Variants in DSCAML1 observed in about 807,000 individuals in gnomAD.
DSCAML1 encodes DS cell adhesion molecule like 1.
Under a neutral mutation model 200.5 loss-of-function variants are expected in DSCAML1, and 38 were observed. The ratio of observed to expected loss-of-function variants is 0.19; its 90% CI spans 0.15 to 0.25. The LOEUF (loss-of-function observed/expected upper bound fraction) is 0.25. Among genes scored for constraint, DSCAML1 ranks in the 10% least tolerant of loss-of-function variants. The pLI is 1.00. For missense variants in DSCAML1, 2,223 were observed against 2,858.8 expected, an observed-to-expected ratio of 0.78 and a Z score of 5.07; for synonymous variants, 1,215 against 1,165.0, an observed-to-expected ratio of 1.04 and a Z score of -0.87.
chr11:117,513,468 C>A (rs775886766), intron 8 of DSCAML1, among the ~76,000 whole-genome samples: 1 of 152,138 alleles, frequency 6.6e-6, no homozygotes, highest in African/African-American at 2.4e-5. Flanking sequence ...CATCCGGGAG[C>A]GGTGGCTCAT....
Position 117,428,525 on chromosome 11 carries a change from CG to C in DSCAML1, c.5964del (p.Gly1989AlafsTer42). The C allele has an allele frequency of 9.8e-7, 1 of 1,022,432 alleles. No homozygotes were observed. Among genetic ancestry groups the C allele is most frequent in the Non-Finnish European group, 1.4e-6 (1 of 702,978 alleles). 63.3% of individuals were successfully genotyped at this position (1,022,432 alleles called of 1,614,324 possible). A position where few individuals can be genotyped will look rare whatever the true frequency, so the allele number is the denominator to read the frequency against. On this transcript the variant is annotated frameshift_variant, in exon 33 of 33. Coordinates refer to ENST00000651296, the MANE Select transcript of DSCAML1 (RefSeq NM_020693.4). LOFTEE classifies it high-confidence loss of function. Reference protein sequence around the residue: ...APPAGTAPPAPGPTPAEPPTA... With the variant: ...APPAGTAPPAXGPTPAEPPTA... Reference sequence around the variant, plus strand: ...GTGGGTGGCTCAGCAGGGGTGGGGCCGGGGGCTGGGGGGGCTGTGCCGGCTG... The same window carrying C: ...GTGGGTGGCTCAGCAGGGGTGGGGCCGGGGCTGGGGGGGCTGTGCCGGCTG...
chr11:117,709,904 G>A (rs1423507773), intron 3 of DSCAML1, among the ~76,000 whole-genome samples: 1 of 152,166 alleles, frequency 6.6e-6, no homozygotes, highest in African/African-American at 2.4e-5. Flanking sequence ...GCAGGGGCCT[G>A]GCTCAGAGCC....
At chr11:117,474,962 A>T (rs546404549) in intron 14 of DSCAML1, among the ~76,000 whole-genome samples, 2 of 152,082 alleles carry the variant, frequency 1.3e-5, no homozygotes, top group Non-Finnish European at 2.9e-5. Flanking sequence ...TCACCGTGTT[A>T]GCCAGGATGG....
At chr11:117,699,613 C>A (rs895407728) in intron 3 of DSCAML1, among the ~76,000 whole-genome samples, 1 of 152,178 alleles carries the variant, frequency 6.6e-6, no homozygotes, top group Admixed American at 6.5e-5. Context: ...CACACCAAGA[C>A]CCGGAGCTCT....
rs75632882 is a variant in DSCAML1, at chr11:117,537,545, G to T, written c.512-5023C>A. 6.5e-3 allele frequency among the ~76,000 whole-genome samples: 997 copies of T among 152,260 alleles called. 12 individuals carry two copies. The highest frequency in any genetic ancestry group is 0.023 in the African/African-American group (963 of 41,566). ...CTCATGTTGGGGTGTATCCTGGGTTGAATAGCATCCCCCCAACAAATTAGT... is the reference window on the plus strand; with the variant it reads ...CTCATGTTGGGGTGTATCCTGGGTTTAATAGCATCCCCCCAACAAATTAGT... On this transcript the variant is annotated intron_variant, in intron 3 of 32. Coordinates refer to ENST00000651296, the MANE Select transcript of DSCAML1 (RefSeq NM_020693.4).
chr11:117,545,360 C>T (rs193179126), intron 3 of DSCAML1, among the ~76,000 whole-genome samples: 8 of 152,304 alleles, frequency 5.3e-5, no homozygotes, highest in African/African-American at 1.9e-4. Context: ...CCAGAAACCA[C>T]ACCTGCCATG....
chr11:117,456,674 T>TTC (rs1555171011), intron 19 of DSCAML1, among the ~76,000 whole-genome samples: 1 of 149,780 alleles, frequency 6.7e-6, no homozygotes, highest in South Asian at 2.1e-4. Flanking sequence ...GTCATTTCTT[T>TTC]TTTTTTTTTT....
chr11:117,625,925 C>G (rs933580392), intron 3 of DSCAML1, among the ~76,000 whole-genome samples: 5 of 152,214 alleles, frequency 3.3e-5, no homozygotes, highest in Admixed American at 2.6e-4. Context: ...TGAGGCGCAT[C>G]TTCCCCTAAA....
intron 11 of DSCAML1, 42 bp from the exon 12 acceptor site, chr11:117,482,204 A>G (rs772701863): frequency 3.1e-6 from 5 of 1,608,866 alleles, no homozygotes; most frequent in Non-Finnish European, 8.5e-7. Context: ...AGGTCGGGAG[A>G]CCAGCCTGGA....
At chr11:117,612,287 C>T (rs1269313652) in intron 3 of DSCAML1, among the ~76,000 whole-genome samples, 2 of 152,224 alleles carry the variant, frequency 1.3e-5, no homozygotes, top group Non-Finnish European at 2.9e-5. Flanking sequence ...AGCCTGCCAA[C>T]CTTCAGACTG....
At chr11:117,661,929 C>T (rs1355242144) in intron 3 of DSCAML1, among the ~76,000 whole-genome samples, 1 of 152,212 alleles carries the variant, frequency 6.6e-6, no homozygotes, top group Non-Finnish European at 1.5e-5. Flanking sequence ...TGTTGCCCAC[C>T]AAACAGTTCC....
chr11:117,765,525 C>T (rs916239470), intron 3 of DSCAML1, among the ~76,000 whole-genome samples: 3 of 152,184 alleles, frequency 2.0e-5, no homozygotes, highest in Non-Finnish European at 4.4e-5. Context: ...CCTACGATCA[C>T]ACCTATGTTC....
intron 3 of DSCAML1, among the ~76,000 whole-genome samples, chr11:117,725,007 G>T (rs1275563680): frequency 1.3e-5 from 2 of 152,134 alleles, no homozygotes; most frequent in Non-Finnish European, 2.9e-5. Flanking sequence ...ACCCCCAAAG[G>T]CTAGACTGGC....
chr11:117,745,806 A>G (rs972613868), intron 3 of DSCAML1, among the ~76,000 whole-genome samples: 18 of 152,326 alleles, frequency 1.2e-4, no homozygotes, highest in African/African-American at 4.3e-4. Flanking sequence ...AAGTTCCTTG[A>G]CATCTCCGTG....
chr11:117,520,342 AC>A (rs2049860954), intron 6 of DSCAML1, among the ~76,000 whole-genome samples: 1 of 152,188 alleles, frequency 6.6e-6, no homozygotes, highest in Non-Finnish European at 1.5e-5. Context: ...AGAGAAACAA[AC>A]AAACAGGTAA....
intron 3 of DSCAML1, among the ~76,000 whole-genome samples, chr11:117,662,038 C>A (rs2052865371): frequency 6.6e-6 from 1 of 152,200 alleles, no homozygotes; most frequent in South Asian, 2.1e-4. Flanking sequence ...TTGTTTCTTG[C>A]CTTTCTCAGA....
Position 117,734,391 on chromosome 11 carries a change from C to T in DSCAML1, c.511+42400G>A, listed in dbSNP as rs375447011. On this transcript the variant is annotated intron_variant, in intron 3 of 32. Coordinates refer to ENST00000651296, the MANE Select transcript of DSCAML1 (RefSeq NM_020693.4). Reference sequence around the variant, plus strand: ...GTCTCCGGAAAACCTTGCTGGGAGACTAGAAAATCCCTGCTGGCCCCTCGG... The same window carrying T: ...GTCTCCGGAAAACCTTGCTGGGAGATTAGAAAATCCCTGCTGGCCCCTCGG... Among the ~76,000 whole-genome samples, 3 of 152,290 alleles carry T rather than the reference C, an allele frequency of 2.0e-5. No homozygotes were observed. In the East Asian group the frequency reaches 5.8e-4, roughly 29 times the overall value.
intron 8 of DSCAML1, among the ~76,000 whole-genome samples, chr11:117,512,381 A>G (rs1358220375): frequency 1.3e-5 from 2 of 152,148 alleles, no homozygotes; most frequent in East Asian, 3.9e-4. Flanking sequence ...CCGCTAATCA[A>G]GCAGCGTGAT....
chr11:117,483,057 C>T (rs749379976), intron 11 of DSCAML1, among the ~76,000 whole-genome samples: 4 of 152,224 alleles, frequency 2.6e-5, no homozygotes, highest in Non-Finnish European at 5.9e-5. Context: ...CGGAAGCCCC[C>T]GTCCCTACTG....
Sources: allele counts gnomAD v4.1 joint callset (sites outside exome capture counted in the v4.1 genomes callset), GRCh38; gene constraint gnomAD v4.1.1; transcripts MANE v1.5; gene names NCBI Gene and HGNC (gene_info 2026-07-23, HGNC 2026-07-21).